EXOC4: variants seen among roughly 807,000 people sequenced by gnomAD.
EXOC4 encodes exocyst complex component 4.
A neutral mutation model predicts 107.2 loss-of-function variants in EXOC4; 71 were observed. The observed-to-expected ratio is 0.66, with a 90% CI of 0.55 to 0.81. The LOEUF (loss-of-function observed/expected upper bound fraction) is 0.81. Ranked by LOEUF, EXOC4 falls within the 30% of genes least tolerant of loss-of-function variation. The pLI, the probability that EXOC4 is intolerant of heterozygous loss-of-function variation, is 0.00. For synonymous variants in EXOC4, 456 were observed against 441.2 expected (o/e 1.03, Z -0.42); for missense variants, 1,108 against 1,189.6 (o/e 0.93, Z 1.01).
intron 5 of EXOC4, among the ~76,000 whole-genome samples, chr7:133,348,191 T>G (rs567744552): frequency 6.6e-6 from 1 of 152,344 alleles, no homozygotes; most frequent in African/African-American, 2.4e-5. Flanking sequence ...GTTGATTATA[T>G]TATCCTTTTA....
chr7:133,697,308 T>C (rs1302231763), intron 10 of EXOC4, among the ~76,000 whole-genome samples: 2 of 152,226 alleles, frequency 1.3e-5, no homozygotes, highest in Non-Finnish European at 2.9e-5. Context: ...ATTGGGAGAC[T>C]TGAGTAGCTT....
intron 3 of EXOC4, among the ~76,000 whole-genome samples, chr7:133,301,379 A>G (rs562813781): frequency 1.4e-4 from 21 of 152,330 alleles, no homozygotes; most frequent in African/African-American, 1.9e-4. Flanking sequence ...GAAGGTATCA[A>G]TTCTCTGGAG....
chr7:133,865,303 A>G lies in EXOC4; in HGVS notation c.1735-30296A>G, dbSNP rs189539335. Reference sequence around the variant, plus strand: ...AACAAACAGATGAATACATAAATATAGTTTGTTTATAATGAAAACCTCCAG... The same window carrying G: ...AACAAACAGATGAATACATAAATATGGTTTGTTTATAATGAAAACCTCCAG... On this transcript the variant is annotated intron_variant, in intron 11 of 17. Transcript: ENST00000253861. 5.9e-5 allele frequency among the ~76,000 whole-genome samples: 9 copies of G among 152,320 alleles called. No individual in the cohort carries two copies. The East Asian group carries it at 1.7e-3, about 29-fold the overall frequency.
At chr7:133,598,465 A>T in intron 9 of EXOC4, among the ~76,000 whole-genome samples, 1 of 152,226 alleles carries the variant, frequency 6.6e-6, no homozygotes, top group East Asian at 1.9e-4. Context: ...ACCTGAAGGT[A>T]TTGAGTTCTT....
chr7:133,879,648 AT>A (rs1212110852), intron 11 of EXOC4, among the ~76,000 whole-genome samples: 1 of 152,084 alleles, frequency 6.6e-6, no homozygotes, highest in African/African-American at 2.4e-5. Flanking sequence ...ACCTGTAATA[AT>A]TTATTCTTTC....
At chr7:133,426,556 AAAT>A (rs1282886388) in intron 7 of EXOC4, among the ~76,000 whole-genome samples, 1 of 152,262 alleles carries the variant, frequency 6.6e-6, no homozygotes, top group Non-Finnish European at 1.5e-5. Flanking sequence ...TTCCTGTGGA[AAAT>A]AATAAATATT....
At chr7:133,486,462 G>A (rs954707374) in intron 9 of EXOC4, among the ~76,000 whole-genome samples, 4 of 151,948 alleles carry the variant, frequency 2.6e-5, no homozygotes, top group Non-Finnish European at 4.4e-5. Flanking sequence ...ATTTTGTATA[G>A]CAATATTATG....
intron 14 of EXOC4, among the ~76,000 whole-genome samples, chr7:133,957,102 A>T (rs1483187064): frequency 6.6e-6 from 1 of 152,162 alleles, no homozygotes; most frequent in African/African-American, 2.4e-5. Context: ...CATGGCTTAA[A>T]ATTAACTAAA....
At chr7:133,905,574 G>C (rs1235339197) in intron 12 of EXOC4, among the ~76,000 whole-genome samples, 3 of 152,106 alleles carry the variant, frequency 2.0e-5, no homozygotes, top group Admixed American at 2.0e-4. Flanking sequence ...TTTAAAGATT[G>C]GAAATCGCAG....
intron 14 of EXOC4, among the ~76,000 whole-genome samples, chr7:133,946,736 T>C (rs889209368): frequency 3.9e-5 from 6 of 152,274 alleles, no homozygotes; most frequent in African/African-American, 1.4e-4. Flanking sequence ...TCTAGACCTC[T>C]CTGTCTCCTT....
At chr7:133,538,856 A>AC (rs1491578358) in intron 9 of EXOC4, among the ~76,000 whole-genome samples, 1 of 34,824 alleles carries the variant, frequency 2.9e-5, no homozygotes, top group Non-Finnish European at 8.8e-5. Context: ...AGAAAGAAAG[A>AC]AAGAGAGAGA....
At chr7:133,924,414 G>A (rs1467472001) in intron 13 of EXOC4, among the ~76,000 whole-genome samples, 1 of 152,082 alleles carries the variant, frequency 6.6e-6, no homozygotes, top group African/African-American at 2.4e-5. Context: ...TTAAATTGAA[G>A]GGAATGCTTT....
At chr7:133,778,288 A>G (rs527315413) in intron 10 of EXOC4, among the ~76,000 whole-genome samples, 1 of 152,286 alleles carries the variant, frequency 6.6e-6, no homozygotes, top group East Asian at 1.9e-4. Flanking sequence ...TCAGTCTGAG[A>G]TATTATCTCA....
chr7:133,428,763 A>G (rs1460339569), intron 7 of EXOC4, among the ~76,000 whole-genome samples: 3 of 152,200 alleles, frequency 2.0e-5, no homozygotes, highest in African/African-American at 7.2e-5. Context: ...TGCCACAAAC[A>G]TCTGTTGCTG....
chr7:133,769,114 A>G (rs1796194598), intron 10 of EXOC4, among the ~76,000 whole-genome samples: 1 of 151,966 alleles, frequency 6.6e-6, no homozygotes, highest in South Asian at 2.1e-4. Flanking sequence ...CATTGTGAGA[A>G]TTGCACGTGC....
intron 10 of EXOC4, among the ~76,000 whole-genome samples, chr7:133,787,842 C>T (rs1796607382): frequency 6.7e-6 from 1 of 150,204 alleles, no homozygotes; most frequent in South Asian, 2.1e-4. Context: ...TTTCAACATA[C>T]GAATTTGTGA....
intron 2 of EXOC4, among the ~76,000 whole-genome samples, chr7:133,280,675 G>A (rs1794116079): frequency 6.6e-6 from 1 of 152,168 alleles, no homozygotes; most frequent in South Asian, 2.1e-4. Flanking sequence ...TTCAAGTGAA[G>A]TTGTTAGGGC....
chr7:133,701,652 T>G (rs1176805769), intron 10 of EXOC4, among the ~76,000 whole-genome samples: 2 of 152,202 alleles, frequency 1.3e-5, no homozygotes, highest in African/African-American at 4.8e-5. Flanking sequence ...AAAATGCAGG[T>G]TGAATATCCC....
At chr7:133,441,542 C>G (rs1237165318) in intron 7 of EXOC4, among the ~76,000 whole-genome samples, 1 of 152,070 alleles carries the variant, frequency 6.6e-6, no homozygotes, top group African/African-American at 2.4e-5. Flanking sequence ...AGATGTGTGC[C>G]ACCATGCCTG....
Sources: gnomAD v4.1 joint callset for allele counts (sites outside exome capture counted in the v4.1 genomes callset) on GRCh38, gnomAD v4.1.1 for gene constraint, MANE v1.5 for transcripts, NCBI Gene and HGNC (gene_info 2026-07-23, HGNC 2026-07-21) for gene names.